Variants in TBXT observed in about 807,000 individuals in gnomAD.
The protein encoded by TBXT is T brachyury transcription factor.
In TBXT, 19 loss-of-function variants were observed where a neutral mutation model predicts 41.1. That is an observed-to-expected ratio of 0.46 (90% confidence interval 0.32 to 0.68). The LOEUF is 0.68. Among genes scored for constraint, TBXT ranks in the 30% least tolerant of loss-of-function variants. TBXT has a pLI of 0.03. For missense variants in TBXT, 536 were observed against 582.0 expected (o/e 0.92, Z 0.81); for synonymous variants, 213 against 238.9 (o/e 0.89, Z 1.00).
Position 166,158,052 on chromosome 6 carries a change from T to C in TBXT, c.*263A>G, listed in dbSNP as rs1778834203. ...AAACATTTTTTCACCGTCAGTGAGG[T>C]TGGGCCAACTGCATCATCTCCACAG... On this transcript the variant is annotated 3_prime_UTR_variant, in exon 8 of 8. Transcript: ENST00000366876. 2 of 593,820 alleles carry C rather than the reference T, an allele frequency of 3.4e-6. No homozygotes were observed. The highest frequency in any genetic ancestry group is 5.9e-6 in the Non-Finnish European group (2 of 336,974). The allele number at this position is 593,820 out of a possible 1,614,324, so 36.8% of individuals were successfully genotyped here.
At position 166,160,831 on chromosome 6, in the gene TBXT, C is replaced by T. The variant is rs1444534852; in HGVS notation, c.1037+6G>A. The T allele has an allele frequency of 1.9e-6, 3 of 1,614,090 alleles. No individual in the cohort carries two copies. The highest frequency in any genetic ancestry group is 4.5e-5 in the East Asian group (2 of 44,876). On this transcript the variant is annotated splice_donor_region_variant and intron_variant, in intron 7 of 7. Coordinates refer to ENST00000366876, the MANE Select transcript of TBXT (RefSeq NM_001366285.2). ...TGCTTTGCACCAGGTCCTGGACATA[C>T]ATTACCTGGAGCTGGTAGGTGGGCT...
rs763835047 is a variant in TBXT at position 166,167,474 on chromosome 6, G to A, written c.118C>T (p.Arg40Cys). ...TCCTCCAGGCCCACGCGCAGTTCGCGCTCTGTGGGGTCGCCCTTCTCGCTG... is the reference window on the plus strand; with the variant it reads ...TCCTCCAGGCCCACGCGCAGTTCGCACTCTGTGGGGTCGCCCTTCTCGCTG... ...AGSEKGDPTE[R>C]ELRVGLEESE... is the part of the protein sequence containing the mutation. The change falls in exon 1 of 8, where the codon CGC becomes TGC. Residue 40 changes from arginine (R) to cysteine (C), a missense_variant. Transcript: ENST00000366876. The A allele has an allele frequency of 1.2e-6, 2 of 1,612,004 alleles. No individual in the cohort carries two copies. The highest frequency in any genetic ancestry group is 1.7e-6 in the Non-Finnish European group (2 of 1,179,910).
chr6:166,157,946 T>G lies in TBXT; in HGVS notation c.*369A>C. The stretch of plus-strand genomic sequence containing the variant: ...TTTTATCTCACTAAAGTAGGACTGG[T>G]GGAGTTTACAAATTCTGGTGTGCCA... On this transcript the variant is annotated 3_prime_UTR_variant, in exon 8 of 8. Transcript: ENST00000366876. 3 of 372,340 alleles carry G rather than the reference T, an allele frequency of 8.1e-6. No individual in the cohort carries two copies. The highest frequency in any genetic ancestry group is 5.3e-5 in the South Asian group (2 of 38,090). 23.1% of individuals were successfully genotyped at this position (372,340 alleles called of 1,614,324 possible).
intron 7 of TBXT, among the ~76,000 whole-genome samples, 155 bp from the exon 8 acceptor site, chr6:166,158,743 T>G (rs2128521258): frequency 6.6e-6 from 1 of 152,394 alleles, no homozygotes; most frequent in Admixed American, 6.5e-5. Context: ...ATTAAAGGAC[T>G]CACAAGCACA....
chr6:166,165,776 T>C lies in TBXT; in HGVS notation c.536A>G (p.Gln179Arg), dbSNP rs746971152. Reference sequence around the variant, plus strand: ...GAAGCAGTGGCTGGTGATCATGCGCTGTGGACCCCCAACTCTCACTATGTG... The same window carrying C: ...GAAGCAGTGGCTGGTGATCATGCGCCGTGGACCCCCAACTCTCACTATGTG... ...RIHIVRVGGP[Q>R]RMITSHCFPE... The change falls in exon 3 of 8, where the codon CAG (glutamine) becomes CGG (arginine). Residue 179 changes from glutamine to arginine, a missense_variant. Coordinates refer to ENST00000366876, the MANE Select transcript of TBXT (RefSeq NM_001366285.2). The C allele has an allele frequency of 1.2e-6, 2 of 1,614,216 alleles. No individual in the cohort carries two copies. The highest frequency in any genetic ancestry group is 8.5e-7 in the Non-Finnish European group (1 of 1,180,038).
chr6:166,162,623 G>A lies in TBXT; in HGVS notation c.731C>T (p.Ser244Leu), dbSNP rs762990244. 6.2e-7 allele frequency: 1 copy of A among 1,610,344 alleles called. No individual in the cohort carries two copies. The highest frequency in any genetic ancestry group is 8.5e-7 in the Non-Finnish European group (1 of 1,178,088). Residue 244 changes from serine (S) to leucine (L), a missense_variant and splice_region_variant, in exon 6 of 8, where the codon TCA becomes TTA. Transcript: ENST00000366876. ...GGTTCCAGGAAGAAGCCACCCCCCT[G>A]CTGTGAGAAAAGACAGTGCTGAGTA... ...GDSQQPGYSQ[S>L]GGWLLPGTST...
At chr6:166,164,136 T>G (rs182524019) in intron 5 of TBXT, among the ~76,000 whole-genome samples, 28 of 152,268 alleles carry the variant, frequency 1.8e-4, no homozygotes, top group Admixed American at 1.4e-3. Flanking sequence ...GAGCTAGACT[T>G]AAATCCAACT....
Position 166,162,596 on chromosome 6 carries a change from C to G in TBXT, c.758G>C (p.Ser253Thr). 2 of 1,613,794 alleles carry G rather than the reference C, an allele frequency of 1.2e-6. No homozygotes were observed. The highest frequency in any genetic ancestry group is 2.2e-5 in the East Asian group (1 of 44,872). Residue 253 changes from serine (S) to threonine (T), a missense_variant, in exon 6 of 8, where the codon AGC becomes ACC. Coordinates refer to ENST00000366876, the MANE Select transcript of TBXT (RefSeq NM_001366285.2). ...AGGATTTGCAGGTGGACACAGGGTG[C>G]TGGTTCCAGGAAGAAGCCACCCCCC... The part of the protein sequence containing the change: ...QSGGWLLPGT[S>T]TLCPPANPHP...
intron 4 of TBXT, 37 bp from the exon 5 acceptor site, chr6:166,164,703 CA>C: frequency 6.2e-7 from 1 of 1,612,526 alleles, no homozygotes; most frequent in Non-Finnish European, 8.5e-7. Context: ...ATCGAATTTT[CA>C]AAAATAAGGA....
Position 166,160,822 on chromosome 6 carries a change from C to T in TBXT, c.1037+15G>A. On this transcript the variant is annotated intron_variant, in intron 7 of 7. Transcript: ENST00000366876. ...CTCCCAGGATGCTTTGCACCAGGTC[C>T]TGGACATACATTACCTGGAGCTGGT... 1 of 1,613,994 alleles carries T rather than the reference C, an allele frequency of 6.2e-7. No individual in the cohort carries two copies. The highest frequency in any genetic ancestry group is 8.5e-7 in the Non-Finnish European group (1 of 1,179,960).
rs556932718 is a variant in TBXT at position 166,158,086 on chromosome 6, A to C, written c.*229T>G. 28 of 659,854 alleles carry C rather than the reference A, an allele frequency of 4.2e-5. No individual in the cohort carries two copies. Among genetic ancestry groups the C allele is most frequent in the African/African-American group, 3.4e-4 (19 of 55,602 alleles). The allele number at this position is 659,854 out of a possible 1,614,324, so 40.9% of individuals were successfully genotyped here. A position where few individuals can be genotyped will look rare whatever the true frequency, so the allele number is the denominator to read the frequency against. On this transcript the variant is annotated 3_prime_UTR_variant, in exon 8 of 8. Transcript: ENST00000366876. ...CTGCATCATCTCCACAGTTGGGTTC[A>C]TCTGTAAGCCACCTGGGACAGCACC...
intron 7 of TBXT, 148 bp downstream of exon 7, chr6:166,160,689 G>T (rs1562387018): frequency 1.7e-6 from 2 of 1,176,692 alleles, no homozygotes; most frequent in South Asian, 1.5e-5. Flanking sequence ...CCTGGGCATA[G>T]CTGGCTAATA....
In TBXT at chr6:166,164,564, C is replaced by G. The variant is rs772211360; in HGVS notation, c.730+41G>C. On this transcript the variant is annotated intron_variant, in intron 5 of 7. Coordinates refer to ENST00000366876, the MANE Select transcript of TBXT (RefSeq NM_001366285.2). ...TCCCAGCTCTCAGCAAGTCTAGTCC[C>G]GATGACGCAGAATGACATGACAGAG... 2.5e-6 allele frequency: 4 copies of G among 1,611,724 alleles called. No homozygotes were observed. The African/African-American group carries it at 4.0e-5, about 16-fold the overall frequency.
intron 1 of TBXT, 130 bp downstream of exon 1, chr6:166,167,256 C>A (rs1012642059): frequency 1.9e-5 from 20 of 1,071,670 alleles, no homozygotes; most frequent in Non-Finnish European, 2.7e-5. Context: ...AGGGAGTTAA[C>A]CAGAGCGGGA....
intron 6 of TBXT, 39 bp from the exon 7 acceptor site, chr6:166,161,005 G>A (rs938314240): frequency 1.2e-6 from 2 of 1,611,926 alleles, no homozygotes; most frequent in African/African-American, 2.7e-5. Context: ...TATAGATGGT[G>A]TCTTCCAAGA....
rs149220881 is a variant in TBXT, at chr6:166,158,451, G to T, written c.1175C>A (p.Ser392Ter). 2 of 1,614,004 alleles carry T rather than the reference G, an allele frequency of 1.2e-6. No homozygotes were observed. Among genetic ancestry groups the T allele is most frequent in the African/African-American group, 2.7e-5 (2 of 74,954 alleles). Residue 392 changes from serine to a stop codon, truncating the protein, a stop_gained, in exon 8 of 8, where the codon TCG becomes TAG. Transcript: ENST00000366876. LOFTEE classifies it high-confidence loss of function. ...AHYTPLTHPV[S>*]APSSSGSPLY... ...TGGGGATCCCGAGGAAGAGGGCGCCGAGACCGGATGGGTGAGGGGTGTGTA... is the reference window on the plus strand; with the variant it reads ...TGGGGATCCCGAGGAAGAGGGCGCCTAGACCGGATGGGTGAGGGGTGTGTA...
In TBXT at chr6:166,167,607, C is replaced by T. The variant is rs3734509; in HGVS notation, c.-16G>A. Reference sequence around the variant, plus strand: ...GGGAGCTCATCCTCCCGTCCGGCTCCCCTCCCCGCCGTCCCCGAAGCCCAG... The same window carrying T: ...GGGAGCTCATCCTCCCGTCCGGCTCTCCTCCCCGCCGTCCCCGAAGCCCAG... On this transcript the variant is annotated 5_prime_UTR_variant, in exon 1 of 8. Coordinates refer to ENST00000366876, the MANE Select transcript of TBXT (RefSeq NM_001366285.2). The T allele has an allele frequency of 3.0e-5, 46 of 1,543,424 alleles. 1 individual carries two copies. The Admixed American group carries it at 5.0e-4, about 17-fold the overall frequency.
upstream of TBXT, chr6:166,167,923 G>C: frequency 2.4e-6 from 1 of 419,482 alleles, no homozygotes. Context: ...GGCGGATTGG[G>C]CCGCGCACGC....
In TBXT at chr6:166,162,566, G is replaced by C. The variant is rs1275922285; in HGVS notation, c.788C>G (p.Pro263Arg). 6.2e-7 allele frequency: 1 copy of C among 1,614,044 alleles called. No individual in the cohort carries two copies. Among genetic ancestry groups the C allele is most frequent in the Non-Finnish European group, 8.5e-7 (1 of 1,180,024 alleles). The change falls in exon 6 of 8, where the codon CCT becomes CGT. Residue 263 changes from proline (P) to arginine (R), a missense_variant. Transcript: ENST00000366876. Reference protein sequence around the residue: ...STLCPPANPHPQFGGALSLPS... With the variant: ...STLCPPANPHRQFGGALSLPS... The stretch of plus-strand genomic sequence containing the variant: ...GAGGGAGAGGGCACCTCCAAACTGA[G>C]GATGAGGATTTGCAGGTGGACACAG...
Sources: gnomAD v4.1 joint callset for allele counts (sites outside exome capture counted in the v4.1 genomes callset) on GRCh38, gnomAD v4.1.1 for gene constraint, MANE v1.5 for transcripts, NCBI Gene and HGNC (gene_info 2026-07-23, HGNC 2026-07-21) for gene names.